ESR2: variants seen among roughly 807,000 people sequenced by gnomAD.
ESR2 encodes estrogen receptor 2, also known as estrogen receptor beta.
A neutral mutation model predicts 49.6 loss-of-function variants in ESR2; 36 were observed. The ratio of observed to expected loss-of-function variants is 0.73; its 90% CI spans 0.56 to 0.96. The LOEUF (loss-of-function observed/expected upper bound fraction) is 0.96, where lower values mean the gene tolerates loss of function less well. ESR2 is among the 40% of genes least tolerant of loss of function. The pLI, the probability that ESR2 is intolerant of heterozygous loss-of-function variation, is 0.00. For missense variants in ESR2, 714 were observed against 693.0 expected, an observed-to-expected ratio of 1.03 and a Z score of -0.34; for synonymous variants, 320 against 266.1, an observed-to-expected ratio of 1.20 and a Z score of -1.97.
rs1331965668 is a variant in ESR2 at position 64,228,430 on chromosome 14, A to G, written c.*4707T>C. On this transcript the variant is annotated 3_prime_UTR_variant, in exon 9 of 9. Transcript: ENST00000341099. ...GAAAACACTCCCTGGAGGAAGGGAA[A>G]GCAGGTCTCAAAATCTGCTTTCACA... 6.6e-6 allele frequency among the ~76,000 whole-genome samples: 1 copy of G among 152,232 alleles called. No homozygotes were observed. Among genetic ancestry groups the G allele is most frequent in the Admixed American group, 6.5e-5 (1 of 15,284 alleles).
At chr14:64,240,233 A>T (rs905265575) in intron 7 of ESR2, among the ~76,000 whole-genome samples, 2 of 152,272 alleles carry the variant, frequency 1.3e-5, no homozygotes, top group African/African-American at 4.8e-5. Flanking sequence ...ACAGGAAAAC[A>T]GGAGACCAAA....
rs765335664 is a variant in ESR2, at chr14:64,282,999, A to G, written c.-14T>C. 12 of 1,601,632 alleles carry G rather than the reference A, an allele frequency of 7.5e-6. No homozygotes were observed. Among genetic ancestry groups the G allele is most frequent in the Middle Eastern group, 1.7e-4 (1 of 5,998 alleles). The stretch of plus-strand genomic sequence containing the variant: ...TTTTATATCCATGTCTTGAGATAAC[A>G]GCTGAGAAAACACCTTGCAAGAAGA... On this transcript the variant is annotated 5_prime_UTR_variant, in exon 2 of 9. Coordinates refer to ENST00000341099, the MANE Select transcript of ESR2 (RefSeq NM_001437.3).
At chr14:64,313,620 T>G (rs1218319169) in intron 1 of ESR2, among the ~76,000 whole-genome samples, 1 of 149,712 alleles carries the variant, frequency 6.7e-6, no homozygotes, top group Non-Finnish European at 1.5e-5. Flanking sequence ...CCAGGCGCGG[T>G]GGCTCACGCC....
At chr14:64,245,679 C>A (rs530769538) in intron 7 of ESR2, among the ~76,000 whole-genome samples, 22 of 152,142 alleles carry the variant, frequency 1.4e-4, no homozygotes, top group Non-Finnish European at 2.8e-4. Flanking sequence ...CTGTAGCCTT[C>A]ATCTTTCCCA....
chr14:64,289,052 A>G (rs1487912478), intron 1 of ESR2, among the ~76,000 whole-genome samples: 1 of 151,714 alleles, frequency 6.6e-6, no homozygotes. Context: ...CTATCAATGG[A>G]TAGAGCAGAA....
rs1293129383 is a variant in ESR2, at chr14:64,232,158, GCA to G, written c.*977_*978del. The stretch of plus-strand genomic sequence containing the variant: ...TAGCTACTCATCCATCCATAAAACA[GCA>G]CACTGCACACATCCACAGCCCAAAG... On this transcript the variant is annotated 3_prime_UTR_variant, in exon 9 of 9. Transcript: ENST00000341099. 6.6e-6 allele frequency: 1 copy of G among 152,136 alleles called. No homozygotes were observed. Among genetic ancestry groups the G allele is most frequent in the Non-Finnish European group, 1.5e-5 (1 of 68,040 alleles). 9.4% of individuals were successfully genotyped at this position (152,136 alleles called of 1,614,324 possible).
chr14:64,255,152 CAAAAAT>C (rs1358074976), intron 6 of ESR2, among the ~76,000 whole-genome samples: 2 of 151,826 alleles, frequency 1.3e-5, no homozygotes, highest in Admixed American at 6.6e-5. Context: ...AAATAGTCAC[CAAAAAT>C]AAACACTAAA....
At chr14:64,250,242 G>A (rs1376939366) in intron 6 of ESR2, among the ~76,000 whole-genome samples, 1 of 152,140 alleles carries the variant, frequency 6.6e-6, no homozygotes, top group Non-Finnish European at 1.5e-5. Context: ...AGCTGACTAT[G>A]AGAAAGAAAT....
intron 1 of ESR2, among the ~76,000 whole-genome samples, chr14:64,333,710 C>T (rs1047480740): frequency 3.3e-5 from 5 of 152,178 alleles, no homozygotes; most frequent in South Asian, 4.1e-4. Context: ...TTCACTACGA[C>T]GAGAACAACA....
rs537934193 is a variant in ESR2, at chr14:64,259,122, A to G, written c.952+1327T>C. On this transcript the variant is annotated intron_variant, in intron 5 of 8. Coordinates refer to ENST00000341099, the MANE Select transcript of ESR2 (RefSeq NM_001437.3). The stretch of plus-strand genomic sequence containing the variant: ...TACATTTAAAGCAAAAACTAGAGGA[A>G]AGTGCATCAGTATTGCCTCCCCTGG... 4.6e-5 allele frequency among the ~76,000 whole-genome samples: 7 copies of G among 152,368 alleles called. No individual in the cohort carries two copies. The South Asian group carries it at 1.0e-3, about 23-fold the overall frequency.
intron 7 of ESR2, among the ~76,000 whole-genome samples, chr14:64,247,799 A>G (rs1201783378): frequency 1.3e-5 from 2 of 152,228 alleles, no homozygotes; most frequent in Admixed American, 1.3e-4. Context: ...TTCATACAAA[A>G]TAACACATCT....
chr14:64,302,894 G>A (rs1347530271), intron 1 of ESR2, among the ~76,000 whole-genome samples: 2 of 152,084 alleles, frequency 1.3e-5, no homozygotes, highest in Admixed American at 6.6e-5. Context: ...CGCCTCCTGG[G>A]TTCAAGCGAT....
At chr14:64,267,207 A>G (rs1367492871) in intron 4 of ESR2, among the ~76,000 whole-genome samples, 1 of 152,208 alleles carries the variant, frequency 6.6e-6, no homozygotes, top group Non-Finnish European at 1.5e-5. Context: ...AAAAAAACCA[A>G]ACTTGTCTTT....
upstream of ESR2, among the ~76,000 whole-genome samples, chr14:64,297,132 T>G (rs557543444): frequency 2.6e-5 from 4 of 152,262 alleles, no homozygotes; most frequent in African/African-American, 9.6e-5. Flanking sequence ...ACATATGACA[T>G]TGAAAGGACT....
upstream of ESR2, among the ~76,000 whole-genome samples, chr14:64,295,277 G>A (rs774480179): frequency 2.6e-5 from 4 of 152,214 alleles, no homozygotes; most frequent in Non-Finnish European, 5.9e-5. Flanking sequence ...GTTTTTGAGG[G>A]TTGTGATCCA....
chr14:64,293,465 A>G (rs2076904856), intron 1 of ESR2, among the ~76,000 whole-genome samples: 1 of 152,242 alleles, frequency 6.6e-6, no homozygotes, highest in African/African-American at 2.4e-5. Flanking sequence ...CACAAAAATG[A>G]CATTCACTTG....
chr14:64,285,900 A>T (rs1186753906), intron 1 of ESR2, among the ~76,000 whole-genome samples: 1 of 152,132 alleles, frequency 6.6e-6, no homozygotes, highest in Non-Finnish European at 1.5e-5. Flanking sequence ...GAAAGCAAGT[A>T]CCATTTCTTA....
chr14:64,318,537 CAAAAAA>C (rs58597271), intron 1 of ESR2, among the ~76,000 whole-genome samples: 11 of 32,428 alleles, frequency 3.4e-4, no homozygotes, highest in South Asian at 1.7e-3. Context: ...AACTCCATCT[CAAAAAA>C]AAAAAAAAAA....
At chr14:64,250,973 C>T (rs1214449571) in intron 6 of ESR2, among the ~76,000 whole-genome samples, 1 of 152,170 alleles carries the variant, frequency 6.6e-6, no homozygotes, top group Non-Finnish European at 1.5e-5. Flanking sequence ...TCTGTAAACA[C>T]CTGCAATTTT....
Sources: allele counts gnomAD v4.1 joint callset (sites outside exome capture counted in the v4.1 genomes callset), GRCh38; gene constraint gnomAD v4.1.1; transcripts MANE v1.5; gene names NCBI Gene and HGNC (gene_info 2026-07-23, HGNC 2026-07-21).